Variants in SYN3 observed in about 807,000 individuals in gnomAD.
The protein encoded by SYN3 is synapsin III, also known as synapsin-3.
In SYN3, 35 loss-of-function variants were observed where a neutral mutation model predicts 65.8. The ratio of observed to expected loss-of-function variants is 0.53; its 90% CI spans 0.41 to 0.70. The LOEUF (loss-of-function observed/expected upper bound fraction) is 0.70. SYN3 is among the 30% of genes least tolerant of loss of function. The pLI is 0.00. For missense variants in SYN3, 680 were observed against 749.0 expected (o/e 0.91, Z 1.08); for synonymous variants, 270 against 292.9 (o/e 0.92, Z 0.80).
chr22:32,967,251 C>T (rs1401254762), intron 3 of SYN3, among the ~76,000 whole-genome samples: 3 of 152,206 alleles, frequency 2.0e-5, no homozygotes, highest in South Asian at 2.1e-4. Flanking sequence ...CCCTCTAAAA[C>T]TCCCTGAGAT....
intron 6 of SYN3, among the ~76,000 whole-genome samples, chr22:32,735,021 A>G (rs1443272096): frequency 6.6e-6 from 1 of 152,150 alleles, no homozygotes; most frequent in Admixed American, 6.5e-5. Context: ...CTTCCCAATG[A>G]GGGGCAATTG....
intron 9 of SYN3, among the ~76,000 whole-genome samples, chr22:32,535,924 A>G (rs1477658916): frequency 6.6e-6 from 1 of 152,172 alleles, no homozygotes; most frequent in Non-Finnish European, 1.5e-5. Flanking sequence ...GAGTCCCTGT[A>G]TGGATTTTGC....
chr22:32,760,222 G>A (rs1250334972), intron 6 of SYN3, among the ~76,000 whole-genome samples: 1 of 60,830 alleles, frequency 1.6e-5, no homozygotes, highest in African/African-American at 6.9e-5. Context: ...CAACAGCCAC[G>A]CACCAACAGC....
At chr22:32,579,522 G>T (rs2146480355) in intron 7 of SYN3, among the ~76,000 whole-genome samples, 1 of 152,260 alleles carries the variant, frequency 6.6e-6, no homozygotes, top group East Asian at 1.9e-4. Flanking sequence ...ACTTCCCAGA[G>T]GAACCACCTC....
chr22:32,644,246 C>T (rs951500608), intron 6 of SYN3, among the ~76,000 whole-genome samples: 4 of 151,962 alleles, frequency 2.6e-5, no homozygotes, highest in African/African-American at 9.7e-5. Context: ...GAATTTGACC[C>T]CATTGCTACC....
chr22:32,693,812 G>A (rs1373346869), intron 6 of SYN3, among the ~76,000 whole-genome samples: 8 of 151,582 alleles, frequency 5.3e-5, no homozygotes, highest in African/African-American at 1.7e-4. Flanking sequence ...GGCTGGTCTC[G>A]AACTCCTGAC....
intron 6 of SYN3, among the ~76,000 whole-genome samples, chr22:32,809,614 A>C (rs2046858794): frequency 6.6e-6 from 1 of 152,160 alleles, no homozygotes; most frequent in Non-Finnish European, 1.5e-5. Context: ...TTGAGTGTTG[A>C]TTAACTTTCC....
chr22:32,575,576 G>A (rs1432000394), intron 7 of SYN3, among the ~76,000 whole-genome samples: 1 of 152,136 alleles, frequency 6.6e-6, no homozygotes, highest in African/African-American at 2.4e-5. Context: ...AGCATTTTCC[G>A]ACCACAACTT....
intron 3 of SYN3, among the ~76,000 whole-genome samples, chr22:32,943,952 T>C (rs141481247): frequency 0.012 from 1,762 of 152,178 alleles, 44 homozygotes; most frequent in African/African-American, 0.04. Flanking sequence ...ATACAGCAAG[T>C]CCTTAGAGAC....
chr22:32,661,186 T>C lies in SYN3; in HGVS notation c.712-64450A>G, dbSNP rs371058265. ...GAGGGGCATGAGTTGGGTCCACCAA[T>C]TGGGACAAGCAGGTCCAACCTGCTT... On this transcript the variant is annotated intron_variant, in intron 6 of 13. Transcript: ENST00000358763. 2.7e-3 allele frequency among the ~76,000 whole-genome samples: 418 copies of C among 152,364 alleles called. 1 individual carries two copies. Among genetic ancestry groups the C allele is most frequent in the African/African-American group, 9.3e-3 (386 of 41,594 alleles).
intron 3 of SYN3, among the ~76,000 whole-genome samples, chr22:32,974,042 G>A (rs1453843736): frequency 5.9e-5 from 9 of 152,188 alleles, no homozygotes; most frequent in African/African-American, 2.2e-4. Context: ...GCCTGCCTCA[G>A]CCTCCCAAAG....
chr22:32,671,613 G>A lies in SYN3; in HGVS notation c.712-74877C>T, dbSNP rs944546136. ...CACGCTGTCATACAGGTGCACACAC[G>A]CTCTCACACAGGTATACACAGACGC... On this transcript the variant is annotated intron_variant, in intron 6 of 13. Coordinates refer to ENST00000358763, the MANE Select transcript of SYN3 (RefSeq NM_003490.4). Among the ~76,000 whole-genome samples, 221 of 133,434 alleles carry A rather than the reference G, an allele frequency of 1.7e-3. 3 individuals are homozygous for A. Among genetic ancestry groups the A allele is most frequent in the Non-Finnish European group, 2.3e-3 (143 of 63,466 alleles). The allele number at this position is 133,434 out of a possible 152,430, so 87.5% of individuals were successfully genotyped here. A position where few individuals can be genotyped will look rare whatever the true frequency, so the allele number is the denominator to read the frequency against.
In SYN3 at chr22:32,857,320, C is replaced by A. The variant is rs748376473; in HGVS notation, c.711+7595G>T. 29 of 1,614,090 alleles carry A rather than the reference C, an allele frequency of 1.8e-5. 1 individual carries two copies. The South Asian group carries it at 3.0e-4, about 17-fold the overall frequency. On this transcript the variant is annotated intron_variant, in intron 6 of 13. Coordinates refer to ENST00000358763, the MANE Select transcript of SYN3 (RefSeq NM_003490.4). Reference sequence around the variant, plus strand: ...CGGAAGCTTCCGAGAGTCTCTGTGGCCTTAAGCTGGAGGTCAACAAGTACC... The same window carrying A: ...CGGAAGCTTCCGAGAGTCTCTGTGGACTTAAGCTGGAGGTCAACAAGTACC...
intron 6 of SYN3, among the ~76,000 whole-genome samples, chr22:32,829,802 G>A (rs1189374056): frequency 6.6e-6 from 1 of 152,238 alleles, no homozygotes; most frequent in Admixed American, 6.5e-5. Context: ...GTTTGTCAGC[G>A]GGCTTCACCA....
intron 4 of SYN3, among the ~76,000 whole-genome samples, chr22:32,869,698 T>TG (rs1408366835): frequency 2.2e-5 from 3 of 137,184 alleles, no homozygotes; most frequent in Admixed American, 7.1e-5. Flanking sequence ...TGGTTTTTTT[T>TG]TTTTTTTTTT....
In SYN3 at chr22:33,022,906, C is replaced by A. The variant is rs73162081; in HGVS notation, c.-162-16082G>T. Among the ~76,000 whole-genome samples, 890 of 152,254 alleles carry A rather than the reference C, an allele frequency of 5.8e-3. 6 individuals are homozygous for A. Among genetic ancestry groups the A allele is most frequent in the South Asian group, 0.028 (137 of 4,818 alleles). The stretch of plus-strand genomic sequence containing the variant: ...TATAAGGTAACAATAACTGAATTTT[C>A]CAAAAAATATTCACAGGATTTATTT... On this transcript the variant is annotated intron_variant, in intron 1 of 13. Coordinates refer to ENST00000358763, the MANE Select transcript of SYN3 (RefSeq NM_003490.4).
intron 4 of SYN3, among the ~76,000 whole-genome samples, chr22:32,889,145 C>T (rs145411709): frequency 8.5e-5 from 13 of 152,364 alleles, no homozygotes; most frequent in Middle Eastern, 3.4e-3. Context: ...CCTGCAGTCA[C>T]TGGGGTGGAG....
intron 6 of SYN3, among the ~76,000 whole-genome samples, chr22:32,759,243 A>G (rs1255681742): frequency 6.6e-6 from 1 of 152,172 alleles, no homozygotes; most frequent in Non-Finnish European, 1.5e-5. Context: ...AATATTCATG[A>G]CATGAAATTA....
At chr22:33,056,666 T>C (rs2054259027) in intron 1 of SYN3, among the ~76,000 whole-genome samples, 1 of 152,260 alleles carries the variant, frequency 6.6e-6, no homozygotes, top group African/African-American at 2.4e-5. Context: ...AAGCGCCAAG[T>C]CTTTTTCCAG....
Sources: allele counts gnomAD v4.1 joint callset (sites outside exome capture counted in the v4.1 genomes callset), GRCh38; gene constraint gnomAD v4.1.1; transcripts MANE v1.5; gene names NCBI Gene and HGNC (gene_info 2026-07-23, HGNC 2026-07-21).